Variants in CDH20 observed in about 807,000 individuals in gnomAD.
CDH20 encodes the protein cadherin-20.
In CDH20, 29 loss-of-function variants were observed where a neutral mutation model predicts 74.2. The ratio of observed to expected loss-of-function variants is 0.39; its 90% CI spans 0.29 to 0.53. The LOEUF (loss-of-function observed/expected upper bound fraction) is 0.53. Among genes scored for constraint, CDH20 ranks in the 20% least tolerant of loss-of-function variants. The pLI is 0.69. For synonymous variants in CDH20, 469 were observed against 405.4 expected, an observed-to-expected ratio of 1.16 and a Z score of -1.88; for missense variants, 988 against 1,048.3, an observed-to-expected ratio of 0.94 and a Z score of 0.79.
chr18:61,367,969 T>C, intron 1 of CDH20, among the ~76,000 whole-genome samples: 1 of 152,120 alleles, frequency 6.6e-6, no homozygotes, highest in East Asian at 1.9e-4. Flanking sequence ...ACACCAGTCA[T>C]ATTTGATTAG....
intron 1 of CDH20, among the ~76,000 whole-genome samples, chr18:61,453,625 G>A (rs1170880434): frequency 6.6e-6 from 1 of 152,176 alleles, no homozygotes; most frequent in African/African-American, 2.4e-5. Flanking sequence ...ATTTATCCAA[G>A]GCATTGCGTG....
rs1008439758 is a variant in CDH20, at chr18:61,401,436, T to G, written c.-153+67609T>G. On this transcript the variant is annotated intron_variant, in intron 1 of 11. Coordinates refer to ENST00000262717, the MANE Select transcript of CDH20 (RefSeq NM_031891.4). ...TGTTGTTTTTATATCAATGATCAGG[T>G]GTGTGTGTGTGTGTGTTTACACACA... Among the ~76,000 whole-genome samples, 6 of 151,362 alleles carry G rather than the reference T, an allele frequency of 4.0e-5. 1 individual carries two copies. The highest frequency in any genetic ancestry group is 7.4e-5 in the Non-Finnish European group (5 of 67,800).
intron 1 of CDH20, among the ~76,000 whole-genome samples, chr18:61,382,224 C>A (rs556524958): frequency 6.6e-6 from 1 of 152,138 alleles, no homozygotes; most frequent in Non-Finnish European, 1.5e-5. Context: ...TATAAAGCCT[C>A]GGATCACTTT....
rs1364728639 is a variant in CDH20 at position 61,554,523 on chromosome 18, T to C, written c.2234T>C (p.Leu745Pro). 6 of 1,612,974 alleles carry C rather than the reference T, an allele frequency of 3.7e-6. No individual in the cohort carries two copies. The highest frequency in any genetic ancestry group is 5.1e-6 in the Non-Finnish European group (6 of 1,179,854). Reference sequence around the variant, plus strand: ...CTGTGGGCACCGCCCTTCGACTCCCTCCAGACGTATATGTTCGAGGGGGAC... The same window carrying C: ...CTGTGGGCACCGCCCTTCGACTCCCCCCAGACGTATATGTTCGAGGGGGAC... Reference protein sequence around the residue: ...MDLWAPPFDSLQTYMFEGDGS... With the variant: ...MDLWAPPFDSPQTYMFEGDGS... Residue 745 changes from leucine to proline, a missense_variant, in exon 12 of 12, where the codon CTC becomes CCC. By Grantham distance (98) the Leu-to-Pro change is moderately conservative. Transcript: ENST00000262717.
At chr18:61,515,000 G>T (rs1407109306) in intron 6 of CDH20, among the ~76,000 whole-genome samples, 1 of 151,932 alleles carries the variant, frequency 6.6e-6, no homozygotes, top group African/African-American at 2.4e-5. Flanking sequence ...GAGGCAGGCA[G>T]GCCTCCTTGA....
intron 1 of CDH20, among the ~76,000 whole-genome samples, chr18:61,453,300 C>T (rs574897181): frequency 1.6e-4 from 25 of 152,090 alleles, no homozygotes; most frequent in South Asian, 1.2e-3. Context: ...TTTTTTGAGA[C>T]GGAGTCCTGC....
intron 1 of CDH20, among the ~76,000 whole-genome samples, chr18:61,382,062 T>C (rs531679871): frequency 1.1e-4 from 16 of 152,328 alleles, no homozygotes; most frequent in Admixed American, 9.8e-4. Flanking sequence ...CTTCCCCTAA[T>C]CCATGCCACA....
chr18:61,476,546 T>A (rs1449924299), intron 1 of CDH20, among the ~76,000 whole-genome samples: 5 of 152,212 alleles, frequency 3.3e-5, no homozygotes, highest in Non-Finnish European at 7.3e-5. Context: ...CTAGAAAATA[T>A]GATTTAGTGC....
At chr18:61,449,593 T>C (rs1434464863) in intron 1 of CDH20, among the ~76,000 whole-genome samples, 1 of 152,072 alleles carries the variant, frequency 6.6e-6, no homozygotes. Context: ...TAAAATAGCA[T>C]AGTTGTATGG....
chr18:61,460,992 G>T (rs1196338035), intron 1 of CDH20, among the ~76,000 whole-genome samples: 1 of 151,996 alleles, frequency 6.6e-6, no homozygotes, highest in Non-Finnish European at 1.5e-5. Context: ...ATATGACATT[G>T]TTATTTATAT....
intron 1 of CDH20, among the ~76,000 whole-genome samples, chr18:61,396,180 A>G (rs1250300634): frequency 6.6e-6 from 1 of 152,112 alleles, no homozygotes; most frequent in East Asian, 1.9e-4. Flanking sequence ...TAGAGAGACT[A>G]CAGAAGAGTG....
At chr18:61,383,956 C>T (rs1007275449) in intron 1 of CDH20, among the ~76,000 whole-genome samples, 1 of 152,096 alleles carries the variant, frequency 6.6e-6, no homozygotes, top group African/African-American at 2.4e-5. Context: ...ATGAGATTGC[C>T]AGATCTCAGA....
chr18:61,510,371 T>G (rs1042889257), intron 6 of CDH20, among the ~76,000 whole-genome samples: 18 of 152,194 alleles, frequency 1.2e-4, no homozygotes, highest in African/African-American at 4.3e-4. Flanking sequence ...AGTGATCACC[T>G]GTGACAAATG....
intron 10 of CDH20, among the ~76,000 whole-genome samples, chr18:61,546,980 C>T (rs983713476): frequency 6.6e-6 from 1 of 152,132 alleles, no homozygotes; most frequent in Non-Finnish European, 1.5e-5. Context: ...TGCTTGATAC[C>T]AAGAGTTCAA....
At chr18:61,367,751 T>A (rs1910907128) in intron 1 of CDH20, among the ~76,000 whole-genome samples, 1 of 152,138 alleles carries the variant, frequency 6.6e-6, no homozygotes, top group African/African-American at 2.4e-5. Context: ...ACAACAGAAA[T>A]ATATTGTCTT....
At chr18:61,538,084 C>T (rs1467986272) in intron 8 of CDH20, among the ~76,000 whole-genome samples, 1 of 152,170 alleles carries the variant, frequency 6.6e-6, no homozygotes, top group Non-Finnish European at 1.5e-5. Flanking sequence ...TCTATGACCC[C>T]AGCCAAAGAT....
At chr18:61,435,645 T>G (rs1231559325) in intron 1 of CDH20, among the ~76,000 whole-genome samples, 4 of 151,700 alleles carry the variant, frequency 2.6e-5, no homozygotes, top group Non-Finnish European at 5.9e-5. Context: ...TAGGCAGACA[T>G]AGGACAAGTA....
intron 2 of CDH20, among the ~76,000 whole-genome samples, chr18:61,495,761 GCTCT>G (rs985866697): frequency 6.6e-6 from 1 of 152,100 alleles, no homozygotes; most frequent in African/African-American, 2.4e-5. Flanking sequence ...CTGGAGCTGC[GCTCT>G]CTCTCTGATG....
intron 6 of CDH20, among the ~76,000 whole-genome samples, chr18:61,511,900 A>T (rs972301502): frequency 1.3e-5 from 2 of 152,226 alleles, no homozygotes; most frequent in African/African-American, 4.8e-5. Context: ...TGGAATTAAG[A>T]AAAAGGTCAA....
Sources: gnomAD v4.1 joint callset for allele counts (sites outside exome capture counted in the v4.1 genomes callset) on GRCh38, gnomAD v4.1.1 for gene constraint, MANE v1.5 for transcripts, NCBI Gene and HGNC (gene_info 2026-07-23, HGNC 2026-07-21) for gene names.